The following ASIC2 variants were observed in gnomAD, a reference collection of about 807,000 sequenced individuals.
ASIC2 encodes acid-sensing ion channel 2.
A neutral mutation model predicts 57.3 loss-of-function variants in ASIC2; 25 were observed. That is an observed-to-expected ratio of 0.44 (90% confidence interval 0.32 to 0.61). ASIC2 has a LOEUF of 0.61. ASIC2 is among the 20% of genes least tolerant of loss of function. ASIC2 has a pLI of 0.06. For synonymous variants in ASIC2, 319 were observed against 307.5 expected (o/e 1.04, Z -0.39); for missense variants, 641 against 738.1 (o/e 0.87, Z 1.52).
At chr17:33,622,073 TC>T (rs1344029519) in intron 1 of ASIC2, among the ~76,000 whole-genome samples, 1 of 152,026 alleles carries the variant, frequency 6.6e-6, no homozygotes, top group Admixed American at 6.6e-5. Flanking sequence ...AGCATTTCTC[TC>T]CCTTTCTTCC....
At chr17:33,065,185 T>C (rs1415635349) in intron 3 of ASIC2, among the ~76,000 whole-genome samples, 5 of 152,056 alleles carry the variant, frequency 3.3e-5, no homozygotes, top group Non-Finnish European at 2.9e-5. Context: ...ATTGAACATA[T>C]ATATTTTTTG....
chr17:33,110,331 G>C (rs1054236108), intron 2 of ASIC2, among the ~76,000 whole-genome samples: 9 of 152,004 alleles, frequency 5.9e-5, no homozygotes, highest in African/African-American at 2.2e-4. Context: ...CCAGGGCCTG[G>C]TTGGCCTCAG....
At chr17:33,176,878 T>A (rs1905778428) in intron 1 of ASIC2, among the ~76,000 whole-genome samples, 1 of 152,144 alleles carries the variant, frequency 6.6e-6, no homozygotes, top group Non-Finnish European at 1.5e-5. Context: ...GGTGAGCATG[T>A]GCCTCAGCCA....
chr17:33,544,802 C>T (rs183756382), intron 1 of ASIC2, among the ~76,000 whole-genome samples: 5 of 152,034 alleles, frequency 3.3e-5, no homozygotes, highest in East Asian at 3.9e-4. Flanking sequence ...AAATATAGGT[C>T]GGGTATTCCT....
intron 1 of ASIC2, among the ~76,000 whole-genome samples, chr17:33,906,374 T>C (rs927115453): frequency 1.3e-5 from 2 of 152,194 alleles, no homozygotes; most frequent in African/African-American, 4.8e-5. Context: ...TCTTGGGTTA[T>C]GTAGAAAATC....
chr17:34,012,834 G>A (rs979021963), intron 1 of ASIC2, among the ~76,000 whole-genome samples: 1 of 152,086 alleles, frequency 6.6e-6, no homozygotes, highest in Non-Finnish European at 1.5e-5. Flanking sequence ...AAGAGTTCAG[G>A]TCTCACTCAG....
At chr17:33,419,386 A>G (rs1910969160) in intron 1 of ASIC2, among the ~76,000 whole-genome samples, 1 of 152,162 alleles carries the variant, frequency 6.6e-6, no homozygotes, top group African/African-American at 2.4e-5. Context: ...GATTTGACCA[A>G]CCCCATTCCC....
At chr17:33,784,892 C>T (rs1911557929) in intron 1 of ASIC2, among the ~76,000 whole-genome samples, 1 of 152,016 alleles carries the variant, frequency 6.6e-6, no homozygotes, top group African/African-American at 2.4e-5. Flanking sequence ...ACAATTTTAC[C>T]CGTACTTTAT....
chr17:33,956,817 G>T (rs1264107635), intron 1 of ASIC2, among the ~76,000 whole-genome samples: 2 of 152,162 alleles, frequency 1.3e-5, no homozygotes, highest in Admixed American at 1.3e-4. Context: ...ATCTTGACCT[G>T]GTCCCCAGCT....
intron 1 of ASIC2, among the ~76,000 whole-genome samples, chr17:34,030,956 A>G (rs1341820229): frequency 6.6e-6 from 1 of 152,266 alleles, no homozygotes; most frequent in Non-Finnish European, 1.5e-5. Flanking sequence ...ACAAACAAAA[A>G]GACAGCAATA....
intron 1 of ASIC2, among the ~76,000 whole-genome samples, chr17:33,602,926 T>C (rs1905144700): frequency 6.6e-6 from 1 of 152,238 alleles, no homozygotes; most frequent in South Asian, 2.1e-4. Context: ...GAGCCCACTC[T>C]AGAATCCTCG....
chr17:33,794,515 AACACTGTAGTGTG>A lies in ASIC2; in HGVS notation c.555+361450_555+361462del, dbSNP rs1475791665. On this transcript the variant is annotated intron_variant, in intron 1 of 9. Coordinates refer to the ASIC2 transcript ENST00000359872. Reference sequence around the variant, plus strand: ...CAGGGGTGATGCACATCTCATTTCAAACACTGTAGTGTGGGGGTTGTAGAGAAGGAGGTATGTG... The same window carrying A: ...CAGGGGTGATGCACATCTCATTTCAAGGGGTTGTAGAGAAGGAGGTATGTG... 4 of 152,312 alleles carry A rather than the reference AACACTGTAGTGTG, an allele frequency of 2.6e-5. No individual in the cohort carries two copies. In the East Asian group the frequency reaches 7.7e-4, roughly 29 times the overall value. The allele number at this position is 152,312 out of a possible 1,614,324, so 9.4% of individuals were successfully genotyped here. A position where few individuals can be genotyped will look rare whatever the true frequency, so the allele number is the denominator to read the frequency against.
At chr17:33,357,631 G>T (rs139663902) in intron 1 of ASIC2, among the ~76,000 whole-genome samples, 1 of 152,114 alleles carries the variant, frequency 6.6e-6, no homozygotes, top group East Asian at 1.9e-4. Context: ...TTCCAGGCCT[G>T]GTCCATATAA....
intron 1 of ASIC2, among the ~76,000 whole-genome samples, chr17:33,499,855 C>G (rs986128137): frequency 6.6e-6 from 1 of 152,122 alleles, no homozygotes; most frequent in South Asian, 2.1e-4. Flanking sequence ...GAAGCATTGC[C>G]GAGACGGAGA....
chr17:33,383,120 T>C (rs2141947474), intron 1 of ASIC2, among the ~76,000 whole-genome samples: 1 of 152,360 alleles, frequency 6.6e-6, no homozygotes, highest in East Asian at 1.9e-4. Context: ...GATGTCAGCT[T>C]TTCTGTGAAA....
At chr17:34,117,563 T>TG (rs1911464575) in intron 1 of ASIC2, among the ~76,000 whole-genome samples, 1 of 152,150 alleles carries the variant, frequency 6.6e-6, no homozygotes, top group African/African-American at 2.4e-5. Flanking sequence ...CTAGGGAACC[T>TG]GGGGTCCAGA....
intron 2 of ASIC2, among the ~76,000 whole-genome samples, chr17:33,094,042 C>T (rs1031284652): frequency 6.6e-6 from 1 of 152,176 alleles, no homozygotes; most frequent in African/African-American, 2.4e-5. Context: ...TAAGGGGCAT[C>T]TCACAGTGCA....
chr17:33,046,125 C>T (rs2091953486), intron 3 of ASIC2, among the ~76,000 whole-genome samples: 1 of 152,198 alleles, frequency 6.6e-6, no homozygotes, highest in Admixed American at 6.5e-5. Flanking sequence ...CAATTCCCAT[C>T]ATTCTACTCT....
chr17:33,635,277 G>A (rs777191490), intron 1 of ASIC2, among the ~76,000 whole-genome samples: 18 of 152,176 alleles, frequency 1.2e-4, no homozygotes, highest in East Asian at 5.8e-4. Flanking sequence ...CACTTGCTAC[G>A]TCTCAGATAC....
Sources: allele counts gnomAD v4.1 joint callset (sites outside exome capture counted in the v4.1 genomes callset), GRCh38; gene constraint gnomAD v4.1.1; transcripts MANE v1.5; gene names NCBI Gene and HGNC (gene_info 2026-07-23, HGNC 2026-07-21).